The following GRIA4 variants were observed in gnomAD, a reference collection of about 807,000 sequenced individuals.
GRIA4 encodes glutamate ionotropic receptor AMPA type subunit 4, also known as glutamate receptor 4.
A neutral mutation model predicts 104.0 loss-of-function variants in GRIA4; 34 were observed. That is an observed-to-expected ratio of 0.33 (90% confidence interval 0.25 to 0.44). The LOEUF (loss-of-function observed/expected upper bound fraction) is 0.44. GRIA4 is among the 20% of genes least tolerant of loss of function. GRIA4 has a pLI of 1.00. For synonymous variants in GRIA4, 386 were observed against 381.9 expected, an observed-to-expected ratio of 1.01 and a Z score of -0.13; for missense variants, 750 against 1,096.5, an observed-to-expected ratio of 0.68 and a Z score of 4.46.
chr11:105,690,196 T>G (rs1489673323), intron 3 of GRIA4, among the ~76,000 whole-genome samples: 2 of 152,188 alleles, frequency 1.3e-5, no homozygotes, highest in Non-Finnish European at 2.9e-5. Context: ...CTTTTCTGCC[T>G]TATTGGAAAG....
intron 4 of GRIA4, among the ~76,000 whole-genome samples, chr11:105,857,779 T>C (rs1945062127): frequency 6.6e-6 from 1 of 152,198 alleles, no homozygotes; most frequent in African/African-American, 2.4e-5. Context: ...TAAAGCTTTT[T>C]CAGGGCATAT....
intron 3 of GRIA4, among the ~76,000 whole-genome samples, chr11:105,651,499 T>C (rs1951685914): frequency 6.6e-6 from 1 of 152,148 alleles, no homozygotes; most frequent in Non-Finnish European, 1.5e-5. Context: ...CTTTTCCAGA[T>C]AATTGTGATG....
chr11:105,781,705 C>T (rs1941735982), intron 4 of GRIA4, among the ~76,000 whole-genome samples: 1 of 151,852 alleles, frequency 6.6e-6, no homozygotes, highest in Non-Finnish European at 1.5e-5. Context: ...ATTTACAAAC[C>T]CCACAAGAAT....
At chr11:105,644,722 GCATAAGATAAA>G (rs965965747) in intron 3 of GRIA4, among the ~76,000 whole-genome samples, 4 of 152,100 alleles carry the variant, frequency 2.6e-5, no homozygotes, top group African/African-American at 7.2e-5. Flanking sequence ...GGGCACATTG[GCATAAGATAAA>G]CCTTAAAGAA....
chr11:105,980,364 C>CT lies in GRIA4; in HGVS notation c.*631dup, dbSNP rs1208539737. 1 of 152,606 alleles carries CT rather than the reference C, an allele frequency of 6.6e-6. No homozygotes were observed. Among genetic ancestry groups the CT allele is most frequent in the East Asian group, 1.9e-4 (1 of 5,196 alleles). 9.5% of individuals were successfully genotyped at this position (152,606 alleles called of 1,614,324 possible). ...AAATTCAGTAGAGGACAACACAATT[C>CT]TTTTTTCTAACCATCTTAGGGAACA... On this transcript the variant is annotated 3_prime_UTR_variant, in exon 17 of 17. Coordinates refer to ENST00000282499, the MANE Select transcript of GRIA4 (RefSeq NM_000829.4).
chr11:105,628,614 G>T (rs1168202180), intron 3 of GRIA4, among the ~76,000 whole-genome samples: 1 of 152,084 alleles, frequency 6.6e-6, no homozygotes, highest in East Asian at 1.9e-4. Context: ...TAAGTTTCCT[G>T]TGTCTCCCCA....
At chr11:105,678,158 A>G (rs1952600501) in intron 3 of GRIA4, among the ~76,000 whole-genome samples, 1 of 152,056 alleles carries the variant, frequency 6.6e-6, no homozygotes, top group East Asian at 1.9e-4. Flanking sequence ...ATTGTACTAT[A>G]TGTATTTCAT....
At chr11:105,951,303 G>T (rs1415743600) in intron 14 of GRIA4, among the ~76,000 whole-genome samples, 1 of 152,172 alleles carries the variant, frequency 6.6e-6, no homozygotes. Context: ...CAGCTCACAT[G>T]CTGTTTATGT....
At chr11:105,742,934 A>T (rs1263222877) in intron 3 of GRIA4, among the ~76,000 whole-genome samples, 1 of 152,054 alleles carries the variant, frequency 6.6e-6, no homozygotes, top group African/African-American at 2.4e-5. Context: ...ACAGGGTTTC[A>T]TCATGTTGGC....
intron 4 of GRIA4, among the ~76,000 whole-genome samples, chr11:105,837,139 AT>A (rs1944223124): frequency 6.6e-6 from 1 of 151,900 alleles, no homozygotes; most frequent in Non-Finnish European, 1.5e-5. Flanking sequence ...ATCAGATCTC[AT>A]TAGAACTTAC....
chr11:105,740,321 AAC>A (rs1032004479), intron 3 of GRIA4, among the ~76,000 whole-genome samples: 45 of 152,210 alleles, frequency 3.0e-4, no homozygotes, highest in African/African-American at 1.0e-3. Context: ...CCACTGCAGA[AAC>A]AGAAACTTAA....
In GRIA4 at chr11:105,653,999, C is replaced by CAAAAA; in HGVS notation, c.247+41589_247+41593dup. Among the ~76,000 whole-genome samples the CAAAAA allele has an allele frequency of 5.8e-4, 29 of 50,286 alleles. 1 individual carries two copies. The highest frequency in any genetic ancestry group is 1.3e-3 in the African/African-American group (16 of 12,730). 33.0% of individuals were successfully genotyped at this position (50,286 alleles called of 152,430 possible). A position where few individuals can be genotyped will look rare whatever the true frequency, so the allele number is the denominator to read the frequency against. ...TATATGCAACGGAACACTATTTAGC[C>CAAAAA]AAAAAAAAAAAAAAAAAAAAAAAAA... On this transcript the variant is annotated intron_variant, in intron 3 of 16. Coordinates refer to ENST00000282499, the MANE Select transcript of GRIA4 (RefSeq NM_000829.4).
At chr11:105,792,240 TA>T (rs1413888516) in intron 4 of GRIA4, among the ~76,000 whole-genome samples, 7 of 152,016 alleles carry the variant, frequency 4.6e-5, no homozygotes, top group Non-Finnish European at 8.8e-5. Flanking sequence ...GTACAAGAAA[TA>T]AACGAACATC....
At chr11:105,904,549 G>T (rs947199810) in intron 8 of GRIA4, among the ~76,000 whole-genome samples, 1 of 152,100 alleles carries the variant, frequency 6.6e-6, no homozygotes, top group Non-Finnish European at 1.5e-5. Context: ...TACCTCTGGA[G>T]ATCTTTAAAT....
At chr11:105,692,940 CAAA>C (rs1368986528) in intron 3 of GRIA4, among the ~76,000 whole-genome samples, 3 of 151,834 alleles carry the variant, frequency 2.0e-5, no homozygotes, top group Non-Finnish European at 2.9e-5. Context: ...TTGTGCTTCT[CAAA>C]AAGAAAAAAA....
At chr11:105,704,999 A>G (rs1953642007) in intron 3 of GRIA4, among the ~76,000 whole-genome samples, 1 of 152,174 alleles carries the variant, frequency 6.6e-6, no homozygotes, top group African/African-American at 2.4e-5. Context: ...TGCTTCTACC[A>G]GATATAAAAG....
chr11:105,669,198 A>ATTTAGACC (rs1463885282), intron 3 of GRIA4, among the ~76,000 whole-genome samples: 2 of 151,868 alleles, frequency 1.3e-5, no homozygotes, highest in Non-Finnish European at 2.9e-5. Context: ...TTCTGTCCTA[A>ATTTAGACC]TTTAGACCGC....
At chr11:105,946,340 C>T (rs1214410092) in intron 14 of GRIA4, among the ~76,000 whole-genome samples, 4 of 151,992 alleles carry the variant, frequency 2.6e-5, no homozygotes, top group Non-Finnish European at 2.9e-5. Context: ...CCCAGCACTT[C>T]GGGAGGCCAA....
In GRIA4 at chr11:105,898,421, T is replaced by C; in HGVS notation, c.879T>C (p.Pro293=). The change falls in exon 7 of 17, where the codon CCT becomes CCC. Residue 293 remains proline (P), a synonymous_variant. Coordinates refer to ENST00000282499, the MANE Select transcript of GRIA4 (RefSeq NM_000829.4). The stretch of plus-strand genomic sequence containing the variant: ...GAGAGTATCCAGGATCTGAGACTCC[T>C]CCAAAGGTATTTGTTTATTTTTATC... ...DQREYPGSET[P]PKYTSALTYD... is the part of the protein sequence containing the mutation. 1 of 1,561,540 alleles carries C rather than the reference T, an allele frequency of 6.4e-7. No homozygotes were observed. The highest frequency in any genetic ancestry group is 8.8e-7 in the Non-Finnish European group (1 of 1,135,724).
Sources: allele counts gnomAD v4.1 joint callset (sites outside exome capture counted in the v4.1 genomes callset), GRCh38; gene constraint gnomAD v4.1.1; transcripts MANE v1.5; gene names NCBI Gene and HGNC (gene_info 2026-07-23, HGNC 2026-07-21).